Variants in FAM53A observed in about 807,000 individuals in gnomAD.
FAM53A encodes the protein family with sequence similarity 53 member A.
A neutral mutation model predicts 26.6 loss-of-function variants in FAM53A; 28 were observed. The ratio of observed to expected loss-of-function variants is 1.05; its 90% confidence interval spans 0.78 to 1.45. The LOEUF (loss-of-function observed/expected upper bound fraction) is 1.45. FAM53A is among the 40% of genes most tolerant of loss of function. The pLI is 0.00. For missense variants in FAM53A, 650 were observed against 575.8 expected (o/e 1.13, Z -1.32); for synonymous variants, 290 against 253.1 (o/e 1.15, Z -1.38).
In FAM53A at chr4:1,630,546, C is replaced by A. The variant is rs981350134; in HGVS notation, c.432-12435G>T. Among the ~76,000 whole-genome samples, 5 of 152,156 alleles carry A rather than the reference C, an allele frequency of 3.3e-5. No homozygotes were observed. Among genetic ancestry groups the A allele is most frequent in the Admixed American group, 3.3e-4 (5 of 15,290 alleles). ...GCAGGGTCTACAAAAATACACGCCC[C>A]GGGCCCCGTTCAGCCAGTCCGTCCC... On this transcript the variant is annotated intron_variant, in intron 1 of 1. Transcript: ENST00000489029. This position sits in a 1 kb window ranked among gnomAD's most constrained non-coding sequence, Gnocchi z 4.3.
At chr4:1,634,990 G>A (rs1715776639), downstream of FAM53A, among the ~76,000 whole-genome samples, 1 of 152,052 alleles carries the variant, frequency 6.6e-6, no homozygotes, top group African/African-American at 2.4e-5. Context: ...CTGGTAAGTG[G>A]CTGCAGGACT....
At chr4:1,623,379 A>C (rs575904689) in intron 1 of FAM53A, among the ~76,000 whole-genome samples, 87 of 150,654 alleles carry the variant, frequency 5.8e-4, no homozygotes, top group Non-Finnish European at 9.8e-4. Context: ...TGGCAGCCTC[A>C]AGCAGAGTTG....
intron 1 of FAM53A, among the ~76,000 whole-genome samples, chr4:1,629,819 C>T (rs1305970369): frequency 6.6e-6 from 1 of 152,168 alleles, no homozygotes; most frequent in African/African-American, 2.4e-5. Flanking sequence ...AAGGCTGGGC[C>T]CACCCCGGCC....
intron 4 of FAM53A, among the ~76,000 whole-genome samples, chr4:1,643,518 G>A (rs749623478): frequency 1.7e-4 from 26 of 151,636 alleles, no homozygotes; most frequent in Non-Finnish European, 3.4e-4. Context: ...CTGTCTTTGT[G>A]GTTCTACTAT....
intron 1 of FAM53A, among the ~76,000 whole-genome samples, chr4:1,679,969 G>C (rs1715303519): frequency 6.7e-6 from 1 of 148,252 alleles, no homozygotes; most frequent in African/African-American, 2.5e-5. Context: ...GTTGCAGTGA[G>C]CCAAGATCGC....
rs1252679603 is a variant in FAM53A, at chr4:1,644,220, C to T, written c.883-2613G>A. On this transcript the variant is annotated intron_variant, in intron 4 of 4. Transcript: ENST00000308132. ...GGGCCAGGTTTCCTTCCATTTCAAA[C>T]CACGGCGTTTTGTTTTCATTCAGAG... The T allele has an allele frequency of 4.6e-6, 7 of 1,535,902 alleles. No homozygotes were observed. In the African/African-American group the frequency reaches 6.8e-5, roughly 15 times the overall value.
At chr4:1,607,797 G>A in the FAM53A span, among the ~76,000 whole-genome samples, 36 of 152,174 alleles carry the variant, frequency 2.4e-4, no homozygotes, top group African/African-American at 8.7e-4. Flanking sequence ...AAAATTAGCT[G>A]GGCGTGGAGG....
the FAM53A span, among the ~76,000 whole-genome samples, chr4:1,595,317 G>A: frequency 0.046 from 6,972 of 152,280 alleles, 306 homozygotes; most frequent in African/African-American, 0.11. Flanking sequence ...ATGGTCCTGC[G>A]TGGCCATTGG....
the FAM53A span, among the ~76,000 whole-genome samples, chr4:1,611,756 G>T: frequency 6.6e-6 from 1 of 152,234 alleles, no homozygotes; most frequent in Non-Finnish European, 1.5e-5. Context: ...CCATGCCAAA[G>T]GTTCTCAGCA....
chr4:1,611,312 G>T, the FAM53A span, among the ~76,000 whole-genome samples: 1 of 152,154 alleles, frequency 6.6e-6, no homozygotes, highest in Admixed American at 6.5e-5. Flanking sequence ...TGGCTGGAGG[G>T]GGGCCCCCGC....
At chr4:1,576,395 G>A in the FAM53A span, among the ~76,000 whole-genome samples, 5 of 152,204 alleles carry the variant, frequency 3.3e-5, no homozygotes, top group Admixed American at 6.5e-5. Flanking sequence ...TGATTTGAGG[G>A]GACAGCCCAG....
chr4:1,675,033 A>C (rs1007830590), intron 1 of FAM53A, among the ~76,000 whole-genome samples: 4 of 151,636 alleles, frequency 2.6e-5, no homozygotes, highest in African/African-American at 9.8e-5. Context: ...GTAGGACCCC[A>C]CCATGGCAGG....
intron 1 of FAM53A, among the ~76,000 whole-genome samples, chr4:1,627,917 G>A (rs1404013901): frequency 2.0e-5 from 3 of 151,408 alleles, no homozygotes; most frequent in South Asian, 2.1e-4. Context: ...GCTGATGCCC[G>A]CAGGCAAGTC....
chr4:1,644,143 C>T (rs1490962610), intron 4 of FAM53A: 1 of 1,521,550 alleles, frequency 6.6e-7, no homozygotes, highest in Non-Finnish European at 8.8e-7. Flanking sequence ...CACAGCACCA[C>T]CAGGCTGCAC....
chr4:1,628,638 G>T (rs1202572232), intron 1 of FAM53A, among the ~76,000 whole-genome samples: 2 of 35,204 alleles, frequency 5.7e-5, no homozygotes, highest in Non-Finnish European at 1.2e-4. Flanking sequence ...ATGGGGGGAG[G>T]GTGGCATGGG....
At chr4:1,656,473 G>A (rs1053540959) in intron 3 of FAM53A, among the ~76,000 whole-genome samples, 54 of 152,318 alleles carry the variant, frequency 3.5e-4, no homozygotes, top group African/African-American at 1.3e-3. Flanking sequence ...GCCCTGGGAT[G>A]ACCTTGGGGT....
downstream of FAM53A, among the ~76,000 whole-genome samples, chr4:1,613,919 GA>G (rs1714714587): frequency 6.6e-6 from 1 of 152,232 alleles, no homozygotes; most frequent in Non-Finnish European, 1.5e-5. Flanking sequence ...CGCAAAGAGG[GA>G]GAGGCTGGGA....
the FAM53A span, among the ~76,000 whole-genome samples, chr4:1,608,466 G>A: frequency 3.9e-5 from 6 of 152,214 alleles, no homozygotes; most frequent in South Asian, 1.2e-3. Context: ...ACGGGTGGAG[G>A]CTGCAGTTGT....
chr4:1,594,736 A>T, the FAM53A span, among the ~76,000 whole-genome samples: 1 of 152,170 alleles, frequency 6.6e-6, no homozygotes, highest in Non-Finnish European at 1.5e-5. Context: ...CCAGCTACTC[A>T]GGAGGCTGAG....
Sources: gnomAD v4.1 joint callset for allele counts (sites outside exome capture counted in the v4.1 genomes callset) on GRCh38, gnomAD v4.1.1 for gene constraint, Gnocchi (gnomAD v3.1) non-coding constraint, MANE v1.5 for transcripts, NCBI Gene and HGNC (gene_info 2026-07-23, HGNC 2026-07-21) for gene names.